TRABD2B: variants seen among roughly 807,000 people sequenced by gnomAD.
TRABD2B encodes the protein metalloprotease TIKI2.
Under a neutral mutation model 40.1 loss-of-function variants are expected in TRABD2B, and 14 were observed. The ratio of observed to expected loss-of-function variants is 0.35; its 90% CI spans 0.23 to 0.55. The LOEUF (loss-of-function observed/expected upper bound fraction) is 0.55. Among genes scored for constraint, TRABD2B ranks in the 20% least tolerant of loss-of-function variants. The probability of loss-of-function intolerance (pLI) is 0.90; values close to 1 mark genes in which losing one functional copy is unlikely to be tolerated. For synonymous variants in TRABD2B, 263 were observed against 277.0 expected (o/e 0.95, Z 0.50); for missense variants, 541 against 648.6 (o/e 0.83, Z 1.80).
At chr1:47,871,916 C>T (rs562676904) in intron 2 of TRABD2B, among the ~76,000 whole-genome samples, 1 of 152,266 alleles carries the variant, frequency 6.6e-6, no homozygotes, top group Admixed American at 6.5e-5. Flanking sequence ...GGAGAAGGAC[C>T]AAGGGGGCCA....
chr1:47,958,867 A>T (rs1645465472), intron 2 of TRABD2B, among the ~76,000 whole-genome samples: 1 of 152,226 alleles, frequency 6.6e-6, no homozygotes, highest in South Asian at 2.1e-4. Context: ...CGGACCTAAT[A>T]GACCTCTACA....
chr1:47,766,787 T>G (rs1168466330), intron 6 of TRABD2B, among the ~76,000 whole-genome samples: 2 of 152,308 alleles, frequency 1.3e-5, no homozygotes, highest in South Asian at 4.2e-4. Flanking sequence ...TGGGTCTGCC[T>G]TACTTTGCAC....
At chr1:47,795,047 A>C (rs1294587475) in intron 3 of TRABD2B, among the ~76,000 whole-genome samples, 1 of 152,224 alleles carries the variant, frequency 6.6e-6, no homozygotes, top group Non-Finnish European at 1.5e-5. Flanking sequence ...CTAGGATTAT[A>C]GGCATGAGCC....
At chr1:47,913,947 A>C (rs1644796134) in intron 2 of TRABD2B, among the ~76,000 whole-genome samples, 1 of 152,236 alleles carries the variant, frequency 6.6e-6, no homozygotes, top group South Asian at 2.1e-4. Context: ...AATTTGCCTA[A>C]GTTCAGCAAC....
At chr1:47,853,830 A>C (rs895302357) in intron 2 of TRABD2B, among the ~76,000 whole-genome samples, 1 of 152,116 alleles carries the variant, frequency 6.6e-6, no homozygotes, top group Non-Finnish European at 1.5e-5. Flanking sequence ...TCTGTTTCCC[A>C]CCTCTTACTC....
Position 47,994,062 on chromosome 1 carries a change from G to T in TRABD2B, c.638C>A (p.Pro213His). The change falls in exon 2 of 7, where the codon CCC (proline) becomes CAC (histidine). Residue 213 changes from proline to histidine, a missense_variant. Transcript: ENST00000606738. The surrounding 1 kb of genome is among the most constrained non-coding windows in gnomAD (Gnocchi z 6.7). ...AVEQVEEQCH[P>H]LNNGLNFSQV... ...GGAGAAGTTGAGCCCGTTGTTGAGG[G>T]GATGGCACTGCTCCTCCACCTGCTC... 1 of 1,536,010 alleles carries T rather than the reference G, an allele frequency of 6.5e-7. No individual in the cohort carries two copies. Among genetic ancestry groups the T allele is most frequent in the Admixed American group, 2.0e-5 (1 of 50,980 alleles).
intron 4 of TRABD2B, among the ~76,000 whole-genome samples, chr1:47,785,035 G>A (rs1042155714): frequency 2.0e-5 from 3 of 152,194 alleles, no homozygotes; most frequent in African/African-American, 4.8e-5. Context: ...GAGAGGAAGA[G>A]AGGAGAAAGG....
intron 2 of TRABD2B, among the ~76,000 whole-genome samples, chr1:47,961,987 G>A (rs922344816): frequency 2.0e-5 from 3 of 152,156 alleles, no homozygotes; most frequent in African/African-American, 7.2e-5. Context: ...TGATAGACTG[G>A]ATTAAGAAAA....
chr1:47,849,684 T>C (rs1645520884), intron 2 of TRABD2B, among the ~76,000 whole-genome samples: 1 of 152,210 alleles, frequency 6.6e-6, no homozygotes, highest in African/African-American at 2.4e-5. Flanking sequence ...CTTTGTTGTT[T>C]TGTTTGACCT....
intron 2 of TRABD2B, among the ~76,000 whole-genome samples, chr1:47,918,222 T>C (rs2124726417): frequency 6.6e-6 from 1 of 152,324 alleles, no homozygotes; most frequent in Middle Eastern, 3.4e-3. Flanking sequence ...TCTCCGTGGC[T>C]GGGCTGTGAA....
At chr1:47,845,048 G>A (rs1457882185) in intron 2 of TRABD2B, among the ~76,000 whole-genome samples, 1 of 152,186 alleles carries the variant, frequency 6.6e-6, no homozygotes. Context: ...ATCCTGTGCA[G>A]GCATCCACCC....
intron 2 of TRABD2B, among the ~76,000 whole-genome samples, chr1:47,876,943 A>G (rs574562489): frequency 1.3e-5 from 2 of 152,342 alleles, no homozygotes; most frequent in Non-Finnish European, 2.9e-5. Flanking sequence ...TAGGCACTGC[A>G]GATCTATAAT....
intron 5 of TRABD2B, among the ~76,000 whole-genome samples, chr1:47,778,247 C>T (rs1455160134): frequency 6.6e-6 from 1 of 152,226 alleles, no homozygotes; most frequent in Admixed American, 6.5e-5. Flanking sequence ...CTCTCACTCC[C>T]ACCCATGCTC....
At chr1:47,817,402 C>T (rs56673661) in intron 2 of TRABD2B, among the ~76,000 whole-genome samples, 5 of 151,936 alleles carry the variant, frequency 3.3e-5, no homozygotes, top group East Asian at 2.0e-4. Context: ...TGAAACGGTG[C>T]GTCCAGGGGT....
At position 47,857,948 on chromosome 1, in the gene TRABD2B, T is replaced by G. The variant is rs1350536002; in HGVS notation, c.667-56329A>C. On this transcript the variant is annotated intron_variant, in intron 2 of 6. Transcript: ENST00000606738. ...ATGGTTTCAGTTACTTGCAGACAGGTGAGTACACACAATAAAATATTTTGA... is the reference window on the plus strand; with the variant it reads ...ATGGTTTCAGTTACTTGCAGACAGGGGAGTACACACAATAAAATATTTTGA... 3.0e-5 allele frequency among the ~76,000 whole-genome samples: 4 copies of G among 133,088 alleles called. No individual in the cohort carries two copies. In the East Asian group the frequency reaches 9.1e-4, roughly 30 times the overall value. 87.3% of individuals were successfully genotyped at this position (133,088 alleles called of 152,430 possible). A position where few individuals can be genotyped will look rare whatever the true frequency, so the allele number is the denominator to read the frequency against.
chr1:47,778,485 C>A lies in TRABD2B; in HGVS notation c.1048G>T (p.Asp350Tyr). ...DILRQAGLEVDHTPAGQAIHS... is the reference protein window; with the variant it reads ...DILRQAGLEVYHTPAGQAIHS... ...ATGGCCTGCCCGGCGGGTGTGTGGT[C>A]CACCTCCAGCCCTGCCTGCCGCAGG... is the stretch of plus-strand genomic sequence containing the variant. Residue 350 changes from aspartate to tyrosine, a missense_variant, in exon 5 of 7, where the codon GAC becomes TAC. This residue lies in a region of TRABD2B where 369 missense variants were observed against 492.8 expected (regional missense o/e 0.75). Transcript: ENST00000606738. 1 of 1,536,114 alleles carries A rather than the reference C, an allele frequency of 6.5e-7. No individual in the cohort carries two copies. Among genetic ancestry groups the A allele is most frequent in the Non-Finnish European group, 8.7e-7 (1 of 1,146,896 alleles).
At chr1:47,960,499 T>C (rs985856068) in intron 2 of TRABD2B, among the ~76,000 whole-genome samples, 3 of 152,316 alleles carry the variant, frequency 2.0e-5, no homozygotes, top group Non-Finnish European at 4.4e-5. Flanking sequence ...CTTAAGCTGA[T>C]AAGCAATTTC....
rs147210686 is a variant in TRABD2B at position 47,782,290 on chromosome 1, C to A, written c.989-3746G>T. Among the ~76,000 whole-genome samples the A allele has an allele frequency of 5.3e-5, 8 of 152,324 alleles. No individual in the cohort carries two copies. The East Asian group carries it at 1.5e-3, about 29-fold the overall frequency. ...TCTTCATACGATCAGTTCCCAGAGG[C>A]CCCCTGCTGTGACCTCCTAAACGTG... On this transcript the variant is annotated intron_variant, in intron 4 of 6. Transcript: ENST00000606738.
intron 2 of TRABD2B, among the ~76,000 whole-genome samples, chr1:47,861,615 C>T (rs573858502): frequency 2.0e-4 from 31 of 152,186 alleles, no homozygotes; most frequent in African/African-American, 6.5e-4. Flanking sequence ...GAAATTGGAT[C>T]GATAATTAAG....
Sources: allele counts gnomAD v4.1 joint callset (sites outside exome capture counted in the v4.1 genomes callset), GRCh38; gene constraint gnomAD v4.1.1; regional missense constraint gnomAD v4.1.1; non-coding constraint Gnocchi (gnomAD v3.1); transcripts MANE v1.5; gene names NCBI Gene and HGNC (gene_info 2026-07-23, HGNC 2026-07-21).